CFAP52: variants seen among roughly 807,000 people sequenced by gnomAD.
CFAP52 encodes cilia and flagella associated protein 52, also known as cilia- and flagella-associated protein 52.
Under a neutral mutation model 70.5 loss-of-function variants are expected in CFAP52, and 57 were observed. That is an observed-to-expected ratio of 0.81 (90% CI 0.65 to 1.01). The LOEUF (loss-of-function observed/expected upper bound fraction) is 1.01, where lower values mean the gene tolerates loss of function less well. Among genes scored for constraint, CFAP52 ranks in the 50% least tolerant of loss-of-function variants. CFAP52 has a pLI of 0.00. For synonymous variants in CFAP52, 267 were observed against 292.5 expected (o/e 0.91, Z 0.89); for missense variants, 785 against 788.5 (o/e 1.00, Z 0.05).
intron 9 of CFAP52, among the ~76,000 whole-genome samples, chr17:9,631,075 A>G (rs1321240903): frequency 1.0e-4 from 14 of 135,972 alleles, no homozygotes; most frequent in African/African-American, 4.2e-4. Flanking sequence ...AGAAAGAAAG[A>G]AAGAAAGAGA....
At chr17:9,626,510 A>G (rs533878502) in intron 8 of CFAP52, among the ~76,000 whole-genome samples, 3 of 152,316 alleles carry the variant, frequency 2.0e-5, no homozygotes, top group African/African-American at 7.2e-5. Context: ...GATTACAGGC[A>G]TGAGCCACTG....
In CFAP52 at chr17:9,585,927, T is replaced by C; in HGVS notation, c.225T>C (p.Ser75=). 1 of 1,613,854 alleles carries C rather than the reference T, an allele frequency of 6.2e-7. No individual in the cohort carries two copies. Among genetic ancestry groups the C allele is most frequent in the Non-Finnish European group, 8.5e-7 (1 of 1,179,950 alleles). Reference sequence around the variant, plus strand: ...TCTCCTGCTTGGCCATCTCCAGGTCTGGAGAGTACATCGCCTCCGGACAAG... The same window carrying C: ...TCTCCTGCTTGGCCATCTCCAGGTCCGGAGAGTACATCGCCTCCGGACAAG... ...NNVSCLAISR[S]GEYIASGQVT... is the part of the protein sequence containing the mutation. The change falls in exon 2 of 14, where the codon TCT becomes TCC. Residue 75 remains serine (S), a synonymous_variant. Transcript: ENST00000352665.
chr17:9,580,132 CTA>C (rs1320707785), intron 1 of CFAP52, among the ~76,000 whole-genome samples: 3 of 152,242 alleles, frequency 2.0e-5, no homozygotes, highest in East Asian at 1.9e-4. Flanking sequence ...AGTCTACAAA[CTA>C]TAGCCCATGG....
chr17:9,638,113 A>G (rs371619273), intron 11 of CFAP52, among the ~76,000 whole-genome samples: 6 of 152,368 alleles, frequency 3.9e-5, no homozygotes, highest in East Asian at 1.9e-4. Context: ...AAATGTGTAC[A>G]TGACATCTTG....
In CFAP52 at chr17:9,631,028, A is replaced by AAGAGAGAGAGAGAG. The variant is rs761523039; in HGVS notation, c.1175-1846_1175-1833dup. 1.6e-3 allele frequency among the ~76,000 whole-genome samples: 70 copies of AAGAGAGAGAGAGAG among 44,720 alleles called. 3 individuals carry two copies. Among genetic ancestry groups the AAGAGAGAGAGAGAG allele is most frequent in the African/African-American group, 7.3e-3 (60 of 8,228 alleles). The allele number at this position is 44,720 out of a possible 152,430, so 29.3% of individuals were successfully genotyped here. On this transcript the variant is annotated intron_variant, in intron 9 of 13. Coordinates refer to ENST00000352665, the MANE Select transcript of CFAP52 (RefSeq NM_145054.5). ...AAAGAAAGAAAGAAAGAAAGAAAGAAAGAGAGAGAGAGAGAGAGAGAGAGA... is the reference window on the plus strand; with the variant it reads ...AAAGAAAGAAAGAAAGAAAGAAAGAAAGAGAGAGAGAGAGAGAGAGAGAGAGAGAGAGAGAGAGA...
chr17:9,584,499 T>A, intron 1 of CFAP52: 1 of 475,642 alleles, frequency 2.1e-6, no homozygotes, highest in Non-Finnish European at 2.9e-6. Flanking sequence ...ACATATACAT[T>A]GTGAAATGAT....
Position 9,606,904 on chromosome 17 carries a change from C to A in CFAP52, c.754-1215C>A, listed in dbSNP as rs116275977. ...CCTTCACATTCTTGAGCCTTGGTTT[C>A]TCTTCTCAATCACAAAATGTCTTTT... On this transcript the variant is annotated intron_variant, in intron 6 of 13. Coordinates refer to ENST00000352665, the MANE Select transcript of CFAP52 (RefSeq NM_145054.5). Among the ~76,000 whole-genome samples, 1,062 of 152,284 alleles carry A rather than the reference C, an allele frequency of 7.0e-3. 13 individuals carry two copies. Among genetic ancestry groups the A allele is most frequent in the African/African-American group, 0.024 (986 of 41,566 alleles).
In CFAP52 at chr17:9,600,077, A is replaced by G. The variant is rs1169325067; in HGVS notation, c.647A>G (p.Asp216Gly). ...RIVMSIGVDD[D>G]DSFFYLGTTT... Reference sequence around the variant, plus strand: ...TTCTTGCTTCTTCAGGTGGATGATGATGATAGCTTTTTCTACCTTGGCACC... The same window carrying G: ...TTCTTGCTTCTTCAGGTGGATGATGGTGATAGCTTTTTCTACCTTGGCACC... The change falls in exon 6 of 14, where the codon GAT becomes GGT. Residue 216 changes from aspartate to glycine, a missense_variant. Coordinates refer to ENST00000352665, the MANE Select transcript of CFAP52 (RefSeq NM_145054.5). The G allele has an allele frequency of 1.9e-6, 3 of 1,613,204 alleles. No homozygotes were observed. Among genetic ancestry groups the G allele is most frequent in the Non-Finnish European group, 2.5e-6 (3 of 1,179,524 alleles).
chr17:9,631,038 G>A (rs897200139), intron 9 of CFAP52, among the ~76,000 whole-genome samples: 25 of 79,942 alleles, frequency 3.1e-4, no homozygotes, highest in East Asian at 2.4e-3. Flanking sequence ...AAGAGAGAGA[G>A]AGAGAGAGAG....
intron 12 of CFAP52, among the ~76,000 whole-genome samples, chr17:9,640,277 T>G (rs1910993863): frequency 6.6e-6 from 1 of 150,962 alleles, no homozygotes; most frequent in African/African-American, 2.4e-5. Context: ...GTGCAGGATG[T>G]GCAGGTTTGT....
At chr17:9,589,751 A>T (rs7503872) in intron 3 of CFAP52, among the ~76,000 whole-genome samples, 127,433 of 134,762 alleles carry the variant, frequency 0.95, 60,467 homozygotes, top group Non-Finnish European at 0.98. Flanking sequence ...AAAAAAAAAA[A>T]AAAGAAAAGA....
At chr17:9,585,993 T>C in intron 2 of CFAP52, 21 bp downstream of exon 2, 1 of 1,612,046 alleles carries the variant, frequency 6.2e-7, no homozygotes, top group Non-Finnish European at 8.5e-7. Context: ...TGAAAACGAC[T>C]CATTGTCAAT....
intron 1 of CFAP52, among the ~76,000 whole-genome samples, chr17:9,580,677 A>G (rs1479030659): frequency 8.1e-6 from 1 of 124,028 alleles, no homozygotes; most frequent in Non-Finnish European, 1.7e-5. Context: ...CAACAGAGTG[A>G]GACCTGGTCT....
rs1483388320 is a variant in CFAP52 at position 9,608,115 on chromosome 17, C to T, written c.754-4C>T. On this transcript the variant is annotated splice_polypyrimidine_tract_variant and splice_region_variant and intron_variant, in intron 6 of 13. Coordinates refer to ENST00000352665, the MANE Select transcript of CFAP52 (RefSeq NM_145054.5). ...CTTTTTCTTAACACAGTTTTTCCCC[C>T]TAGGGAGTGTCAGCTATCAGGTGCC... 7 of 1,610,176 alleles carry T rather than the reference C, an allele frequency of 4.3e-6. No homozygotes were observed. The Admixed American group carries it at 1.2e-4, about 27-fold the overall frequency.
At chr17:9,600,209 C>G in intron 6 of CFAP52, 26 bp downstream of exon 6, 2 of 1,588,958 alleles carry the variant, frequency 1.3e-6, no homozygotes, top group Non-Finnish European at 1.7e-6. Context: ...CGCCACTGCC[C>G]TGCCATTTTT....
chr17:9,642,854 C>A (rs1257539493), intron 13 of CFAP52, among the ~76,000 whole-genome samples, 169 bp from the exon 14 acceptor site: 1 of 152,100 alleles, frequency 6.6e-6, no homozygotes, highest in Non-Finnish European at 1.5e-5. Context: ...TGTATTTCCC[C>A]CTCCTCTTCA....
At chr17:9,588,666 A>G (rs1410117655) in intron 3 of CFAP52, among the ~76,000 whole-genome samples, 5 of 151,346 alleles carry the variant, frequency 3.3e-5, no homozygotes, top group African/African-American at 1.2e-4. Flanking sequence ...TTTCAATTTC[A>G]CCCCATTCAG....
At chr17:9,585,441 G>A (rs1205659595) in intron 1 of CFAP52, among the ~76,000 whole-genome samples, 1 of 152,134 alleles carries the variant, frequency 6.6e-6, no homozygotes, top group Non-Finnish European at 1.5e-5. Flanking sequence ...GGCTAAGGTG[G>A]ACGGATCACG....
At chr17:9,609,460 C>G (rs770941718) in intron 7 of CFAP52, among the ~76,000 whole-genome samples, 4 of 152,038 alleles carry the variant, frequency 2.6e-5, no homozygotes, top group Non-Finnish European at 4.4e-5. Flanking sequence ...TTTGGGAGGT[C>G]GAGGCAAGTG....
Sources: gnomAD v4.1 joint callset for allele counts (sites outside exome capture counted in the v4.1 genomes callset) on GRCh38, gnomAD v4.1.1 for gene constraint, MANE v1.5 for transcripts, NCBI Gene and HGNC (gene_info 2026-07-23, HGNC 2026-07-21) for gene names.